Variants in USP25 observed in about 807,000 individuals in gnomAD.
USP25 encodes the protein ubiquitin carboxyl-terminal hydrolase 25.
Under a neutral mutation model 158.5 loss-of-function variants are expected in USP25, and 85 were observed. The observed-to-expected ratio is 0.54, with a 90% CI of 0.45 to 0.64. USP25 has a LOEUF of 0.64. USP25 is among the 30% of genes least tolerant of loss of function. The pLI, the probability that USP25 is intolerant of heterozygous loss-of-function variation, is 0.00. For missense variants in USP25, 1,242 were observed against 1,327.3 expected, an observed-to-expected ratio of 0.94 and a Z score of 1.00; for synonymous variants, 464 against 460.4, an observed-to-expected ratio of 1.01 and a Z score of -0.10.
chr21:15,853,076 G>C (rs1173087871), intron 20 of USP25, among the ~76,000 whole-genome samples: 2 of 152,038 alleles, frequency 1.3e-5, no homozygotes, highest in Non-Finnish European at 2.9e-5. Context: ...CACTGCCATG[G>C]CCCTATTGTA....
At chr21:15,789,134 G>A (rs910833069) in intron 4 of USP25, among the ~76,000 whole-genome samples, 1 of 151,906 alleles carries the variant, frequency 6.6e-6, no homozygotes, top group Non-Finnish European at 1.5e-5. Flanking sequence ...GAAGGCAAAG[G>A]AACTAAAAAG....
At chr21:15,847,984 A>G (rs1258084704) in intron 19 of USP25, among the ~76,000 whole-genome samples, 1 of 152,214 alleles carries the variant, frequency 6.6e-6, no homozygotes, top group African/African-American at 2.4e-5. Context: ...GGAATTTGTC[A>G]AAAGAATTTT....
chr21:15,786,970 G>A (rs1353119460), intron 4 of USP25, among the ~76,000 whole-genome samples: 3 of 151,916 alleles, frequency 2.0e-5, no homozygotes, highest in Admixed American at 6.6e-5. Flanking sequence ...ATATGCTAAC[G>A]GTGAGTTATT....
At chr21:15,847,931 C>T (rs772834859) in intron 19 of USP25, among the ~76,000 whole-genome samples, 155 bp downstream of exon 19, 4 of 152,102 alleles carry the variant, frequency 2.6e-5, no homozygotes, top group Non-Finnish European at 4.4e-5. Context: ...CAATTATTAA[C>T]AGAACTTTGA....
At chr21:15,851,906 T>C (rs2038905452) in intron 20 of USP25, among the ~76,000 whole-genome samples, 1 of 152,126 alleles carries the variant, frequency 6.6e-6, no homozygotes. Flanking sequence ...CTTTCCTTTG[T>C]GTATTTTCCA....
At chr21:15,774,504 A>G (rs2034530532) in intron 3 of USP25, among the ~76,000 whole-genome samples, 1 of 151,932 alleles carries the variant, frequency 6.6e-6, no homozygotes, top group Admixed American at 6.6e-5. Flanking sequence ...TTTTTTCCAG[A>G]CAACATCTGC....
Position 15,878,396 on chromosome 21 carries a change from C to T in USP25, c.3299C>T (p.Ser1100Leu), listed in dbSNP as rs948838117. Reference protein sequence around the residue: ...KSFHEPPKLPSYSTHELCERF... With the variant: ...KSFHEPPKLPLYSTHELCERF... ...TTCCATGAGCCACCGAAGTTACCTT[C>T]ATATTCCACGCATGAACTCTGTGAG... Residue 1100 changes from serine to leucine, a missense_variant, in exon 26 of 26, where the codon TCA becomes TTA. By Grantham distance (145) the Ser-to-Leu change is moderately radical. Around this residue, in one of 3 missense-constraint regions of USP25, gnomAD observed 608 missense variants for 605.2 expected, o/e 1.00. Coordinates refer to ENST00000400183, the MANE Select transcript of USP25 (RefSeq NM_001283041.3). 9 of 1,614,102 alleles carry T rather than the reference C, an allele frequency of 5.6e-6. No individual in the cohort carries two copies. Among genetic ancestry groups the T allele is most frequent in the African/African-American group, 1.3e-5 (1 of 75,056 alleles).
chr21:15,820,271 A>G (rs1462428807), intron 10 of USP25, among the ~76,000 whole-genome samples: 4 of 152,030 alleles, frequency 2.6e-5, no homozygotes, highest in Non-Finnish European at 5.9e-5. Flanking sequence ...GCTGAAATAC[A>G]CTATGGTTTA....
intron 14 of USP25, among the ~76,000 whole-genome samples, chr21:15,828,172 G>A (rs899389906): frequency 1.3e-5 from 2 of 152,096 alleles, no homozygotes; most frequent in African/African-American, 2.4e-5. Flanking sequence ...AGTACATAAG[G>A]TATGATGGTG....
chr21:15,804,710 A>G (rs1284626564), intron 6 of USP25, among the ~76,000 whole-genome samples: 1 of 152,090 alleles, frequency 6.6e-6, no homozygotes, highest in African/African-American at 2.4e-5. Context: ...ATTGAGATCA[A>G]GCACTTAGAA....
chr21:15,740,031 T>C (rs1038158932), intron 1 of USP25, among the ~76,000 whole-genome samples: 3 of 152,256 alleles, frequency 2.0e-5, no homozygotes, highest in African/African-American at 7.2e-5. Context: ...TCTGAACTGC[T>C]GGATATTTTA....
At chr21:15,824,740 C>T (rs2037411790) in intron 11 of USP25, among the ~76,000 whole-genome samples, 1 of 152,146 alleles carries the variant, frequency 6.6e-6, no homozygotes, top group Non-Finnish European at 1.5e-5. Flanking sequence ...TCTCAGCTTC[C>T]CGAGTAGCTG....
At chr21:15,814,373 A>G (rs2036828626) in intron 9 of USP25, among the ~76,000 whole-genome samples, 2 of 151,952 alleles carry the variant, frequency 1.3e-5, no homozygotes, top group African/African-American at 4.8e-5. Flanking sequence ...CGTTGGTGAA[A>G]AGATACCTGA....
intron 1 of USP25, among the ~76,000 whole-genome samples, chr21:15,754,104 C>G (rs2033217242): frequency 1.3e-5 from 2 of 152,194 alleles, no homozygotes; most frequent in African/African-American, 4.8e-5. Flanking sequence ...GACAGTTTTT[C>G]AAGGTTACTC....
At chr21:15,791,319 A>G (rs1047294674) in intron 4 of USP25, among the ~76,000 whole-genome samples, 183 bp from the exon 5 acceptor site, 3 of 151,910 alleles carry the variant, frequency 2.0e-5, no homozygotes, top group Admixed American at 6.6e-5. Context: ...AAAAAAGACT[A>G]TACTTCTCTA....
chr21:15,771,802 C>G (rs2034372453), intron 3 of USP25, among the ~76,000 whole-genome samples: 3 of 151,788 alleles, frequency 2.0e-5, no homozygotes, highest in Admixed American at 2.0e-4. Flanking sequence ...GCTACATATT[C>G]TTATTGCAAC....
chr21:15,755,383 C>T (rs1297642651), intron 1 of USP25, among the ~76,000 whole-genome samples: 1 of 152,116 alleles, frequency 6.6e-6, no homozygotes. Context: ...GTCAGTGGTG[C>T]TTTAGTTTTC....
At chr21:15,849,929 A>C (rs186750064) in intron 20 of USP25, 57 bp downstream of exon 20, 1 of 1,280,584 alleles carries the variant, frequency 7.8e-7, no homozygotes. Flanking sequence ...AACTTCTTAA[A>C]ATATTTTATT....
chr21:15,734,171 T>C (rs915238654), intron 1 of USP25, among the ~76,000 whole-genome samples: 2 of 152,194 alleles, frequency 1.3e-5, no homozygotes, highest in Admixed American at 1.3e-4. Context: ...ACAGTCAACT[T>C]TCACTGAATT....
Sources: gnomAD v4.1 joint callset for allele counts (sites outside exome capture counted in the v4.1 genomes callset) on GRCh38, gnomAD v4.1.1 for gene constraint, gnomAD v4.1.1 regional missense constraint, MANE v1.5 for transcripts, NCBI Gene and HGNC (gene_info 2026-07-23, HGNC 2026-07-21) for gene names.